The following SGPP2 variants were observed in gnomAD, a reference collection of about 807,000 sequenced individuals.
SGPP2 encodes sphingosine 1-phosphate phosphohydrolase 2.
Under a neutral mutation model 33.9 loss-of-function variants are expected in SGPP2, and 30 were observed. The ratio of observed to expected loss-of-function variants is 0.89; its 90% CI spans 0.66 to 1.20. The LOEUF is 1.20. Ranked by LOEUF, SGPP2 falls within the 50% of genes most tolerant of loss-of-function variation. SGPP2 has a pLI of 0.00. For missense variants in SGPP2, 458 were observed against 532.1 expected (o/e 0.86, Z 1.37); for synonymous variants, 233 against 225.0 (o/e 1.04, Z -0.32).
At chr2:222,530,693 T>C (rs1232467802) in intron 4 of SGPP2, among the ~76,000 whole-genome samples, 1 of 152,254 alleles carries the variant, frequency 6.6e-6, no homozygotes, top group Non-Finnish European at 1.5e-5. Flanking sequence ...TTCTCTATAA[T>C]AAGGCTGTTT....
intron 1 of SGPP2, among the ~76,000 whole-genome samples, chr2:222,453,671 ATTACT>A (rs1330243167): frequency 7.9e-5 from 12 of 152,174 alleles, no homozygotes; most frequent in Non-Finnish European, 1.5e-4. Context: ...TTTTCTCTAG[ATTACT>A]TTATTATAAG....
chr2:222,445,897 G>T lies in SGPP2; in HGVS notation c.219+21076G>T, dbSNP rs190676508. Among the ~76,000 whole-genome samples the T allele has an allele frequency of 1.3e-3, 198 of 152,352 alleles. 3 individuals are homozygous for T. Among genetic ancestry groups the T allele is most frequent in the Admixed American group, 2.9e-3 (45 of 15,296 alleles). On this transcript the variant is annotated intron_variant, in intron 1 of 4. Transcript: ENST00000321276. ...GCCTAGGCTGAAGAGAAAGGCTACA[G>T]TGGGCTTTGCAGAATGTAAAGGGTT...
intron 1 of SGPP2, among the ~76,000 whole-genome samples, chr2:222,450,601 G>A (rs1343448346): frequency 1.3e-5 from 2 of 152,216 alleles, no homozygotes; most frequent in African/African-American, 4.8e-5. Flanking sequence ...TGATTCAGGT[G>A]TGAATCGAAT....
In SGPP2 at chr2:222,524,959, G is replaced by C. The variant is rs1384477023; in HGVS notation, c.574G>C (p.Gly192Arg). ...TCCCCCACAGTATCCATTTGTGTTG[G>C]GACTGGTGATGGCCGTGGTGTTTTC... ...MDRYQYPFVL[G>R]LVMAVVFSTL... Residue 192 changes from glycine to arginine, a missense_variant, in exon 4 of 5, where the codon GGA becomes CGA. Coordinates refer to ENST00000321276, the MANE Select transcript of SGPP2 (RefSeq NM_152386.4). 6.2e-7 allele frequency: 1 copy of C among 1,613,838 alleles called. No homozygotes were observed. Among genetic ancestry groups the C allele is most frequent in the Non-Finnish European group, 8.5e-7 (1 of 1,179,868 alleles).
At chr2:222,458,004 G>A (rs1013396532) in intron 1 of SGPP2, among the ~76,000 whole-genome samples, 3 of 152,144 alleles carry the variant, frequency 2.0e-5, no homozygotes, top group Admixed American at 6.5e-5. Context: ...CCAGTTACCT[G>A]GTTCTAGGAG....
intron 2 of SGPP2, among the ~76,000 whole-genome samples, chr2:222,505,563 G>A (rs910217473): frequency 6.6e-6 from 1 of 152,084 alleles, no homozygotes; most frequent in Non-Finnish European, 1.5e-5. Flanking sequence ...TGTCATGAAT[G>A]CATAAAACAT....
intron 4 of SGPP2, among the ~76,000 whole-genome samples, chr2:222,534,807 A>G (rs1002882714): frequency 5.3e-5 from 8 of 152,094 alleles, no homozygotes; most frequent in Admixed American, 3.9e-4. Context: ...ACATATTTTT[A>G]CCCTTTTGTA....
At chr2:222,448,503 T>G (rs1697429895) in intron 1 of SGPP2, among the ~76,000 whole-genome samples, 1 of 152,128 alleles carries the variant, frequency 6.6e-6, no homozygotes, top group Non-Finnish European at 1.5e-5. Context: ...TGGGACTGAG[T>G]TTACCCACCT....
intron 1 of SGPP2, among the ~76,000 whole-genome samples, chr2:222,441,248 G>A (rs898435142): frequency 2.0e-5 from 3 of 152,170 alleles, no homozygotes; most frequent in African/African-American, 7.2e-5. Flanking sequence ...CATTCCTCAC[G>A]TGGTAGAACC....
chr2:222,460,492 A>G lies in SGPP2; in HGVS notation c.220-14076A>G, dbSNP rs1697642248. Among the ~76,000 whole-genome samples, 1 of 152,176 alleles carries G rather than the reference A, an allele frequency of 6.6e-6. No homozygotes were observed. The highest frequency in any genetic ancestry group is 1.5e-5 in the Non-Finnish European group (1 of 68,028). On this transcript the variant is annotated intron_variant, in intron 1 of 4. Coordinates refer to ENST00000321276, the MANE Select transcript of SGPP2 (RefSeq NM_152386.4). This position sits in a 1 kb window ranked among gnomAD's most constrained non-coding sequence, Gnocchi z 4.3. ...AAGATACATTTGAATCTGAAAAACA[A>G]TGCAAAATTACTTAGAAAAGACAAG...
chr2:222,445,188 C>T (rs1381456307), intron 1 of SGPP2, among the ~76,000 whole-genome samples: 1 of 152,174 alleles, frequency 6.6e-6, no homozygotes, highest in Non-Finnish European at 1.5e-5. Flanking sequence ...ACTTGGTGGA[C>T]CTCCTTGAAC....
At chr2:222,524,522 G>C (rs1461150973) in intron 3 of SGPP2, among the ~76,000 whole-genome samples, 1 of 152,172 alleles carries the variant, frequency 6.6e-6, no homozygotes, top group African/African-American at 2.4e-5. Context: ...AGGAGAAGTT[G>C]CTTGTTGGGA....
intron 1 of SGPP2, among the ~76,000 whole-genome samples, chr2:222,463,466 T>C (rs1034936394): frequency 6.6e-6 from 1 of 152,144 alleles, no homozygotes; most frequent in African/African-American, 2.4e-5. Flanking sequence ...AAATAGTTGA[T>C]CATGGTGCCA....
intron 2 of SGPP2, among the ~76,000 whole-genome samples, chr2:222,514,301 C>T (rs1698572568): frequency 6.6e-6 from 1 of 152,202 alleles, no homozygotes; most frequent in Non-Finnish European, 1.5e-5. Flanking sequence ...CAATAATCAG[C>T]ATTTCCCTTG....
intron 4 of SGPP2, among the ~76,000 whole-genome samples, chr2:222,532,932 T>C (rs2106142596): frequency 6.6e-6 from 1 of 152,312 alleles, no homozygotes. Flanking sequence ...GGGGCCACCG[T>C]ACCTCTGGGC....
chr2:222,533,393 G>T (rs1698866977), intron 4 of SGPP2, among the ~76,000 whole-genome samples: 1 of 152,162 alleles, frequency 6.6e-6, no homozygotes. Flanking sequence ...CCCTTGGCAG[G>T]GGGACAGGTC....
At chr2:222,463,373 T>C (rs73993558) in intron 1 of SGPP2, among the ~76,000 whole-genome samples, 3,072 of 152,182 alleles carry the variant, frequency 0.02, 103 homozygotes, top group African/African-American at 0.07. Context: ...GCCTATAATC[T>C]CAGCATTTTG....
intron 2 of SGPP2, among the ~76,000 whole-genome samples, chr2:222,487,383 C>G (rs919584339): frequency 1.3e-5 from 2 of 152,162 alleles, no homozygotes; most frequent in Non-Finnish European, 2.9e-5. Context: ...TTACTAATAA[C>G]TAACAAATTG....
chr2:222,433,057 G>A (rs941540325), intron 1 of SGPP2, among the ~76,000 whole-genome samples: 4 of 113,530 alleles, frequency 3.5e-5, no homozygotes, highest in Non-Finnish European at 7.1e-5. Context: ...GAAAGAGAGA[G>A]AAAGAGAGGA....
Sources: allele counts gnomAD v4.1 joint callset (sites outside exome capture counted in the v4.1 genomes callset), GRCh38; gene constraint gnomAD v4.1.1; non-coding constraint Gnocchi (gnomAD v3.1); transcripts MANE v1.5; gene names NCBI Gene and HGNC (gene_info 2026-07-23, HGNC 2026-07-21).